MTHFD1L: variants seen among roughly 807,000 people sequenced by gnomAD.
The protein encoded by MTHFD1L is monofunctional C1-tetrahydrofolate synthase, mitochondrial.
A neutral mutation model predicts 119.5 loss-of-function variants in MTHFD1L; 81 were observed. The ratio of observed to expected loss-of-function variants is 0.68; its 90% confidence interval spans 0.57 to 0.82. The LOEUF is 0.82. Among genes scored for constraint, MTHFD1L ranks in the 40% least tolerant of loss-of-function variants. The probability of loss-of-function intolerance (pLI) is 0.00; values close to 1 mark genes in which losing one functional copy is unlikely to be tolerated. For synonymous variants in MTHFD1L, 430 were observed against 475.2 expected (o/e 0.90, Z 1.24); for missense variants, 1,125 against 1,253.4 (o/e 0.90, Z 1.55).
At chr6:150,949,178 G>C (rs1381919771) in intron 16 of MTHFD1L, 45 bp downstream of exon 16, 1 of 1,526,564 alleles carries the variant, frequency 6.6e-7, no homozygotes, top group South Asian at 1.1e-5. Flanking sequence ...CAGGTGGGGA[G>C]GCGTGTTCGA....
At chr6:151,024,011 T>G (rs1784306501) in intron 24 of MTHFD1L, among the ~76,000 whole-genome samples, 1 of 152,082 alleles carries the variant, frequency 6.6e-6, no homozygotes, top group Non-Finnish European at 1.5e-5. Context: ...ATGGACCACT[T>G]AAGACAGAAA....
At chr6:150,967,212 G>A (rs1797340496) in intron 19 of MTHFD1L, among the ~76,000 whole-genome samples, 1 of 152,182 alleles carries the variant, frequency 6.6e-6, no homozygotes, top group African/African-American at 2.4e-5. Flanking sequence ...GACTGCCCTT[G>A]TCCAGGTCAC....
At chr6:151,080,090 AT>A (rs1291132931) in intron 26 of MTHFD1L, among the ~76,000 whole-genome samples, 2 of 151,918 alleles carry the variant, frequency 1.3e-5, no homozygotes, top group Non-Finnish European at 2.9e-5. Flanking sequence ...AGGCAGGAGA[AT>A]TGCTTGAACC....
At chr6:150,921,756 A>T (rs175855) in intron 9 of MTHFD1L, among the ~76,000 whole-genome samples, 85,902 of 152,070 alleles carry the variant, frequency 0.56, 25,419 homozygotes, top group African/African-American at 0.75. Context: ...TTTTCTTTTT[A>T]AAATTTAACA....
At chr6:150,883,321 G>A (rs183422518) in intron 5 of MTHFD1L, among the ~76,000 whole-genome samples, 254 of 152,276 alleles carry the variant, frequency 1.7e-3, no homozygotes, top group African/African-American at 5.6e-3. Flanking sequence ...GTGAGCCACC[G>A]TGTCTGGCCA....
intron 4 of MTHFD1L, among the ~76,000 whole-genome samples, chr6:150,879,779 G>A (rs963888557): frequency 2.6e-5 from 4 of 151,700 alleles, no homozygotes; most frequent in African/African-American, 9.7e-5. Context: ...ACAGGCACCC[G>A]CCATTATGCC....
intron 26 of MTHFD1L, chr6:151,041,661 T>C (rs995546613): frequency 1.0e-5 from 4 of 390,386 alleles, no homozygotes; most frequent in South Asian, 4.1e-5. Flanking sequence ...ATGAGAAAGA[T>C]TCAGTCCTTC....
At chr6:150,888,110 A>G (rs2128778559) in intron 7 of MTHFD1L, 129 bp downstream of exon 7, 6 of 1,002,096 alleles carry the variant, frequency 6.0e-6, no homozygotes, top group East Asian at 3.0e-5. Context: ...CATATCCATT[A>G]AAGACATTGA....
At chr6:150,914,674 A>C (rs1787542335) in intron 8 of MTHFD1L, among the ~76,000 whole-genome samples, 1 of 152,210 alleles carries the variant, frequency 6.6e-6, no homozygotes, top group South Asian at 2.1e-4. Flanking sequence ...AACAGTAATA[A>C]TCAGAAAGCA....
chr6:151,081,498 C>CAAAA lies in MTHFD1L; in HGVS notation c.2848-10947_2848-10944dup, dbSNP rs56795003. On this transcript the variant is annotated intron_variant, in intron 26 of 27. Transcript: ENST00000367321. ...TGAAACGCTGCCTCTACTAAAAATG[C>CAAAA]AAAAAAAAAAAAAAAAAAAAAAAAA... Among the ~76,000 whole-genome samples the CAAAA allele has an allele frequency of 4.3e-4, 42 of 98,148 alleles. 1 individual carries two copies. The highest frequency in any genetic ancestry group is 1.5e-3 in the African/African-American group (33 of 21,660). The allele number at this position is 98,148 out of a possible 152,430, so 64.4% of individuals were successfully genotyped here. A position where few individuals can be genotyped will look rare whatever the true frequency, so the allele number is the denominator to read the frequency against.
chr6:150,993,501 G>T (rs1779333372), intron 20 of MTHFD1L, among the ~76,000 whole-genome samples: 1 of 152,008 alleles, frequency 6.6e-6, no homozygotes, highest in Non-Finnish European at 1.5e-5. Flanking sequence ...TATTAGAGAC[G>T]AGTTTTTGCC....
At chr6:151,098,189 G>A (rs1405417423) in intron 27 of MTHFD1L, among the ~76,000 whole-genome samples, 4 of 151,922 alleles carry the variant, frequency 2.6e-5, no homozygotes, top group Non-Finnish European at 5.9e-5. Flanking sequence ...TATATATAAT[G>A]TATCAATACA....
At position 150,918,647 on chromosome 6, in the gene MTHFD1L, T is replaced by C. The variant is rs761898896; in HGVS notation, c.963T>C (p.Leu321=). Residue 321 remains leucine, a synonymous_variant, in exon 9 of 28, where the codon CTT becomes CTC. Transcript: ENST00000367321. ...TTGAGGAAGATGATGTGATTCTCCT[T>C]GCTGCAGCTCTGCGAATTCAGGTTT... ...GLIEEDDVIL[L]AAALRIQNMV... 2.5e-6 allele frequency: 4 copies of C among 1,614,020 alleles called. No homozygotes were observed. In the Admixed American group the frequency reaches 5.0e-5, roughly 20 times the overall value.
chr6:150,889,131 C>T (rs1458700693), intron 7 of MTHFD1L, among the ~76,000 whole-genome samples: 1 of 151,868 alleles, frequency 6.6e-6, no homozygotes, highest in East Asian at 1.9e-4. Context: ...GAGCCGCGAT[C>T]GTGCCACTGC....
At chr6:151,072,002 T>A (rs555963320) in intron 26 of MTHFD1L, among the ~76,000 whole-genome samples, 1 of 151,798 alleles carries the variant, frequency 6.6e-6, no homozygotes, top group East Asian at 1.9e-4. Context: ...ACCACCACAT[T>A]TGGTTAATTT....
At chr6:150,994,301 G>A (rs1779532742) in intron 20 of MTHFD1L, among the ~76,000 whole-genome samples, 1 of 152,040 alleles carries the variant, frequency 6.6e-6, no homozygotes, top group Non-Finnish European at 1.5e-5. Flanking sequence ...TTTTCAGGAG[G>A]CTTCCTGGAA....
At chr6:151,041,032 G>A (rs999086789) in intron 26 of MTHFD1L, among the ~76,000 whole-genome samples, 8 of 152,106 alleles carry the variant, frequency 5.3e-5, no homozygotes, top group East Asian at 1.9e-4. Flanking sequence ...GCCCTCAGCC[G>A]AGTTCCTCCT....
intron 20 of MTHFD1L, among the ~76,000 whole-genome samples, chr6:151,000,335 C>CAAA (rs946814251): frequency 6.6e-5 from 5 of 75,326 alleles, no homozygotes; most frequent in Admixed American, 1.2e-4. Flanking sequence ...GACTCTGTCT[C>CAAA]AAAAAAAAAA....
intron 20 of MTHFD1L, among the ~76,000 whole-genome samples, chr6:151,002,398 T>C (rs1388136276): frequency 6.6e-6 from 1 of 152,214 alleles, no homozygotes; most frequent in Non-Finnish European, 1.5e-5. Flanking sequence ...ATTGCCTGGC[T>C]ACATAGAAAA....
Sources: gnomAD v4.1 joint callset for allele counts (sites outside exome capture counted in the v4.1 genomes callset) on GRCh38, gnomAD v4.1.1 for gene constraint, MANE v1.5 for transcripts, NCBI Gene and HGNC (gene_info 2026-07-23, HGNC 2026-07-21) for gene names.